Variants in WASF3 observed in about 807,000 individuals in gnomAD.
The protein encoded by WASF3 is actin-binding protein WASF3.
WASF3 carries 11 observed loss-of-function variants against 46.6 expected under a neutral mutation model. That is an observed-to-expected ratio of 0.24 (90% confidence interval 0.15 to 0.39). The LOEUF (loss-of-function observed/expected upper bound fraction) is 0.39. WASF3 is among the 10% of genes least tolerant of loss of function. The pLI is 1.00. For missense variants in WASF3, 576 were observed against 669.8 expected (o/e 0.86, Z 1.55); for synonymous variants, 242 against 259.7 (o/e 0.93, Z 0.65).
At chr13:26,589,665 T>A (rs1880231919) in intron 1 of WASF3, among the ~76,000 whole-genome samples, 1 of 152,206 alleles carries the variant, frequency 6.6e-6, no homozygotes, top group South Asian at 2.1e-4. Flanking sequence ...TAGTTATTTC[T>A]CCAAAGCACA....
chr13:26,667,085 G>T (rs1452300609), intron 4 of WASF3, among the ~76,000 whole-genome samples: 1 of 152,084 alleles, frequency 6.6e-6, no homozygotes, highest in Non-Finnish European at 1.5e-5. Context: ...AACTTAATGT[G>T]TTATTTCCAT....
intron 1 of WASF3, among the ~76,000 whole-genome samples, chr13:26,561,043 A>G (rs1031060633): frequency 2.0e-5 from 3 of 152,114 alleles, no homozygotes; most frequent in African/African-American, 7.2e-5. Flanking sequence ...TGGAGCAACC[A>G]CAAACACCAG....
At position 26,679,899 on chromosome 13, in the gene WASF3, C is replaced by T; in HGVS notation, c.717-1155C>T. On this transcript the variant is annotated intron_variant, in intron 7 of 9. Coordinates refer to ENST00000335327, the MANE Select transcript of WASF3 (RefSeq NM_006646.6). The surrounding 1 kb of genome is among the most constrained non-coding windows in gnomAD (Gnocchi z 4.8). ...AAAAGGAAAAGAAGCTGTCTCTTCTCATTTGGAAGGCTTTTCTGTGCCACA... is the reference window on the plus strand; with the variant it reads ...AAAAGGAAAAGAAGCTGTCTCTTCTTATTTGGAAGGCTTTTCTGTGCCACA... 4.1e-6 allele frequency: 4 copies of T among 981,676 alleles called. No individual in the cohort carries two copies. Among genetic ancestry groups the T allele is most frequent in the Non-Finnish European group, 5.9e-6 (4 of 681,716 alleles). 60.8% of individuals were successfully genotyped at this position (981,676 alleles called of 1,614,324 possible).
At chr13:26,546,755 T>C in the WASF3 span, among the ~76,000 whole-genome samples, 1 of 152,138 alleles carries the variant, frequency 6.6e-6, no homozygotes, top group South Asian at 2.1e-4. Flanking sequence ...ACAACAAAAA[T>C]TGTGCTTGCC....
intron 3 of WASF3, among the ~76,000 whole-genome samples, chr13:26,661,336 C>A (rs1357495937): frequency 2.0e-5 from 3 of 152,214 alleles, no homozygotes; most frequent in Non-Finnish European, 2.9e-5. Flanking sequence ...AAATGGACTA[C>A]TTTACATGCC....
At chr13:26,624,478 C>CTA (rs1281100375) in intron 2 of WASF3, among the ~76,000 whole-genome samples, 1 of 152,080 alleles carries the variant, frequency 6.6e-6, no homozygotes, top group African/African-American at 2.4e-5. Context: ...TATCAGTAGT[C>CTA]TAACACACAT....
In WASF3 at chr13:26,672,667, A is replaced by G. The variant is rs115466383; in HGVS notation, c.540+678A>G. On this transcript the variant is annotated intron_variant, in intron 6 of 9. Transcript: ENST00000335327. The stretch of plus-strand genomic sequence containing the variant: ...ATTCTCTAAGGGCAAGTATTTATTA[A>G]TATTTTTATATGTCAGCTGTATTTA... Among the ~76,000 whole-genome samples, 1,058 of 152,316 alleles carry G rather than the reference A, an allele frequency of 6.9e-3. 9 individuals are homozygous for G. The highest frequency in any genetic ancestry group is 0.024 in the African/African-American group (981 of 41,560).
chr13:26,629,779 T>C (rs1036821237), intron 2 of WASF3, among the ~76,000 whole-genome samples: 4 of 152,128 alleles, frequency 2.6e-5, no homozygotes, highest in Non-Finnish European at 5.9e-5. Flanking sequence ...TGCTGCTAGT[T>C]TGAATTAATA....
rs201580275 is a variant in WASF3, at chr13:26,682,647, G to A, written c.1024G>A (p.Gly342Arg). Residue 342 changes from glycine (G) to arginine (R), a missense_variant, in exon 9 of 10, where the codon GGA becomes AGA. By Grantham distance (125) the Gly-to-Arg change is moderately radical. This residue lies in a region of WASF3 where 295 missense variants were observed against 291.5 expected (regional missense o/e 1.01). Coordinates refer to ENST00000335327, the MANE Select transcript of WASF3 (RefSeq NM_006646.6). The surrounding 1 kb of genome is among the most constrained non-coding windows in gnomAD (Gnocchi z 4.4). ...AQIIEYYNPSGPPPPPPPPVI... is the reference protein window; with the variant it reads ...AQIIEYYNPSRPPPPPPPPVI... ...GATAATTGAGTATTACAACCCATCCGGACCACCTCCTCCGCCACCTCCTCC... is the reference window on the plus strand; with the variant it reads ...GATAATTGAGTATTACAACCCATCCAGACCACCTCCTCCGCCACCTCCTCC... 42 of 1,613,900 alleles carry A rather than the reference G, an allele frequency of 2.6e-5. No homozygotes were observed. Among genetic ancestry groups the A allele is most frequent in the African/African-American group, 6.7e-5 (5 of 74,858 alleles).
At chr13:26,615,481 G>GTA (rs1426939116) in intron 2 of WASF3, among the ~76,000 whole-genome samples, 1 of 151,866 alleles carries the variant, frequency 6.6e-6, no homozygotes, top group Non-Finnish European at 1.5e-5. Context: ...GCTAATTTTT[G>GTA]TATTTTTAAT....
the WASF3 span, among the ~76,000 whole-genome samples, chr13:26,541,481 T>G: frequency 6.6e-6 from 1 of 152,196 alleles, no homozygotes; most frequent in Non-Finnish European, 1.5e-5. Context: ...GATCATATCA[T>G]GTAACAAGCA....
upstream of WASF3, among the ~76,000 whole-genome samples, chr13:26,556,382 T>G (rs1879099135): frequency 6.6e-6 from 1 of 152,256 alleles, no homozygotes; most frequent in Non-Finnish European, 1.5e-5. Context: ...GAAAGTCATT[T>G]TAATTTGAAT....
chr13:26,652,897 G>C (rs1882354742), intron 3 of WASF3, among the ~76,000 whole-genome samples: 1 of 92,600 alleles, frequency 1.1e-5, no homozygotes, highest in Non-Finnish European at 2.0e-5. Context: ...AAAATCATGA[G>C]CCCATGCCTT....
intron 1 of WASF3, among the ~76,000 whole-genome samples, chr13:26,563,015 G>T (rs747112380): frequency 6.6e-6 from 1 of 151,056 alleles, no homozygotes; most frequent in Admixed American, 6.6e-5. Flanking sequence ...GCTCTTCTGA[G>T]GACTGGTTGT....
chr13:26,571,438 A>T (rs1444152319), intron 1 of WASF3, among the ~76,000 whole-genome samples: 2 of 152,190 alleles, frequency 1.3e-5, no homozygotes, highest in Non-Finnish European at 2.9e-5. Flanking sequence ...TGAGGAATAG[A>T]TCTGATTTTG....
chr13:26,563,169 A>C lies in WASF3; in HGVS notation c.-109+5350A>C, dbSNP rs570754117. Among the ~76,000 whole-genome samples the C allele has an allele frequency of 2.0e-5, 3 of 151,648 alleles. No individual in the cohort carries two copies. In the East Asian group the frequency reaches 5.9e-4, roughly 30 times the overall value. Reference sequence around the variant, plus strand: ...CTCTCCTGTCAGTGTTTTTTCTGCTACTTACCTCAGCACCAGTTTTGTGTC... The same window carrying C: ...CTCTCCTGTCAGTGTTTTTTCTGCTCCTTACCTCAGCACCAGTTTTGTGTC... On this transcript the variant is annotated intron_variant, in intron 1 of 9. Coordinates refer to ENST00000335327, the MANE Select transcript of WASF3 (RefSeq NM_006646.6).
intron 1 of WASF3, among the ~76,000 whole-genome samples, chr13:26,559,788 T>TTTTCTTTCTTTCTTTCTTTCTTTCTTTC (rs1555246392): frequency 5.0e-5 from 4 of 80,548 alleles, no homozygotes; most frequent in African/African-American, 2.0e-4. Flanking sequence ...TTTTCTTTTC[T>TTTTCTTTCTTTCTTTCTTTCTTTCTTTC]TTTCTTTCTT....
intron 1 of WASF3, among the ~76,000 whole-genome samples, chr13:26,598,945 G>A (rs1338755522): frequency 2.0e-5 from 3 of 151,990 alleles, no homozygotes; most frequent in Admixed American, 6.6e-5. Context: ...ATCTTGGCTC[G>A]CTGCATCCTC....
At position 26,679,222 on chromosome 13, in the gene WASF3, G is replaced by A. The variant is rs933862706; in HGVS notation, c.717-1832G>A. On this transcript the variant is annotated intron_variant, in intron 7 of 9. Transcript: ENST00000335327. The surrounding 1 kb of genome is among the most constrained non-coding windows in gnomAD (Gnocchi z 4.8). Reference sequence around the variant, plus strand: ...GCTGGTTTCTGCCTCCCCACTGGGAGTGGGGCTCATCTCCAACAGCTGCCT... The same window carrying A: ...GCTGGTTTCTGCCTCCCCACTGGGAATGGGGCTCATCTCCAACAGCTGCCT... 1.3e-5 allele frequency among the ~76,000 whole-genome samples: 2 copies of A among 152,006 alleles called. No homozygotes were observed. The highest frequency in any genetic ancestry group is 4.8e-5 in the African/African-American group (2 of 41,392).
Sources: allele counts gnomAD v4.1 joint callset (sites outside exome capture counted in the v4.1 genomes callset), GRCh38; gene constraint gnomAD v4.1.1; regional missense constraint gnomAD v4.1.1; non-coding constraint Gnocchi (gnomAD v3.1); transcripts MANE v1.5; gene names NCBI Gene and HGNC (gene_info 2026-07-23, HGNC 2026-07-21).